The following STX8 variants were observed in gnomAD, a reference collection of about 807,000 sequenced individuals.
STX8 encodes syntaxin-8.
Under a neutral mutation model 37.5 loss-of-function variants are expected in STX8, and 23 were observed. The ratio of observed to expected loss-of-function variants is 0.61; its 90% CI spans 0.44 to 0.87. The LOEUF (loss-of-function observed/expected upper bound fraction) is 0.87. STX8 is among the 40% of genes least tolerant of loss of function. STX8 has a pLI of 0.00. For synonymous variants in STX8, 115 were observed against 99.1 expected (o/e 1.16, Z -0.95); for missense variants, 313 against 284.7 (o/e 1.10, Z -0.71).
intron 7 of STX8, among the ~76,000 whole-genome samples, chr17:9,324,922 T>A (rs1909705360): frequency 1.3e-5 from 2 of 152,188 alleles, no homozygotes; most frequent in Non-Finnish European, 1.5e-5. Flanking sequence ...AAAGGCAATA[T>A]GCATTCAGTA....
At position 9,485,774 on chromosome 17, in the gene STX8, C is replaced by T. The variant is rs376172898; in HGVS notation, c.541+6055G>A. On this transcript the variant is annotated intron_variant, in intron 6 of 7. Coordinates refer to ENST00000306357, the MANE Select transcript of STX8 (RefSeq NM_004853.3). ...CTAATTTTTTTATTTTTAGTAGAGA[C>T]GGGGTTTCACCATATTGACCAGGCT... Among the ~76,000 whole-genome samples, 201 of 152,002 alleles carry T rather than the reference C, an allele frequency of 1.3e-3. 9 individuals are homozygous for T. The South Asian group carries it at 0.04, about 30-fold the overall frequency.
intron 2 of STX8, among the ~76,000 whole-genome samples, chr17:9,566,545 G>A (rs1222992740): frequency 2.6e-5 from 4 of 152,092 alleles, no homozygotes; most frequent in Non-Finnish European, 5.9e-5. Flanking sequence ...TCAGCACTTC[G>A]GGAGGCCGAG....
chr17:9,252,702 A>G (rs928049722), intron 7 of STX8, among the ~76,000 whole-genome samples: 1 of 147,070 alleles, frequency 6.8e-6, no homozygotes, highest in Non-Finnish European at 1.5e-5. Flanking sequence ...TTTTTCTGAT[A>G]TGGGCTCTTT....
intron 7 of STX8, among the ~76,000 whole-genome samples, chr17:9,328,490 A>AT (rs1909850889): frequency 6.6e-6 from 1 of 152,166 alleles, no homozygotes; most frequent in African/African-American, 2.4e-5. Context: ...TGAACGTGGG[A>AT]ATCCTTTATG....
chr17:9,269,321 T>A (rs1040694139), intron 7 of STX8, among the ~76,000 whole-genome samples: 2 of 152,210 alleles, frequency 1.3e-5, no homozygotes, highest in African/African-American at 4.8e-5. Context: ...CTCCTCTCCC[T>A]TTCCCTTAAG....
intron 7 of STX8, among the ~76,000 whole-genome samples, chr17:9,348,375 G>A (rs142380505): frequency 1.9e-3 from 273 of 141,002 alleles, no homozygotes; most frequent in African/African-American, 5.9e-3. Flanking sequence ...CCGAGATTGC[G>A]CCACTGCACT....
chr17:9,295,234 T>C (rs748405029), intron 7 of STX8, among the ~76,000 whole-genome samples: 2 of 152,130 alleles, frequency 1.3e-5, no homozygotes, highest in Non-Finnish European at 2.9e-5. Flanking sequence ...TGATGCCTCC[T>C]CTCTATGTGA....
At chr17:9,420,927 G>GA (rs1913401291) in intron 6 of STX8, among the ~76,000 whole-genome samples, 1 of 152,118 alleles carries the variant, frequency 6.6e-6, no homozygotes, top group Non-Finnish European at 1.5e-5. Context: ...TTAGGGGGTG[G>GA]AAATGGAGAT....
intron 7 of STX8, among the ~76,000 whole-genome samples, chr17:9,295,747 C>T (rs1367001851): frequency 6.6e-6 from 1 of 151,522 alleles, no homozygotes; most frequent in Non-Finnish European, 1.5e-5. Flanking sequence ...GTCCCCCCTC[C>T]CCCCCAAAAA....
At chr17:9,376,618 T>TTGC (rs1911597071) in intron 7 of STX8, among the ~76,000 whole-genome samples, 1 of 152,198 alleles carries the variant, frequency 6.6e-6, no homozygotes, top group Non-Finnish European at 1.5e-5. Flanking sequence ...ACAATAAATC[T>TTGC]TGCTGCTGCT....
At chr17:9,572,136 T>C (rs1907711933) in intron 1 of STX8, among the ~76,000 whole-genome samples, 2 of 152,284 alleles carry the variant, frequency 1.3e-5, no homozygotes, top group East Asian at 3.9e-4. Flanking sequence ...ACTATTAAGG[T>C]TTAACTGTAA....
chr17:9,526,022 T>C (rs1905554401), intron 4 of STX8, among the ~76,000 whole-genome samples: 1 of 152,204 alleles, frequency 6.6e-6, no homozygotes, highest in South Asian at 2.1e-4. Flanking sequence ...CTTAGCAATA[T>C]GCCACACTTG....
chr17:9,521,192 G>A (rs1187561071), intron 4 of STX8, among the ~76,000 whole-genome samples: 1 of 152,202 alleles, frequency 6.6e-6, no homozygotes, highest in East Asian at 1.9e-4. Context: ...ACGGAAGAGA[G>A]GCTGCAGTCA....
At chr17:9,567,539 T>C (rs771004092) in intron 2 of STX8, among the ~76,000 whole-genome samples, 8 of 152,034 alleles carry the variant, frequency 5.3e-5, no homozygotes, top group Admixed American at 1.3e-4. Context: ...ATGTGGAAAA[T>C]AAGGAAGAAA....
intron 7 of STX8, among the ~76,000 whole-genome samples, chr17:9,270,726 T>C (rs1381702896): frequency 1.3e-5 from 2 of 151,650 alleles, no homozygotes; most frequent in African/African-American, 4.9e-5. Context: ...AATCAAGGAG[T>C]AGTGGTTTTA....
chr17:9,384,977 GACTTA>G (rs1455921268), intron 6 of STX8, among the ~76,000 whole-genome samples: 35 of 146,866 alleles, frequency 2.4e-4, no homozygotes, highest in Admixed American at 2.1e-3. Context: ...ATGGTTCATA[GACTTA>G]ACTGTAAAAC....
At chr17:9,465,555 A>G (rs1905573670) in intron 6 of STX8, among the ~76,000 whole-genome samples, 1 of 152,204 alleles carries the variant, frequency 6.6e-6, no homozygotes, top group Non-Finnish European at 1.5e-5. Flanking sequence ...GGAGAAATGT[A>G]TACCCTGAGA....
intron 6 of STX8, chr17:9,464,613 AAG>A (rs1905529162): frequency 6.6e-6 from 1 of 152,152 alleles, no homozygotes; most frequent in South Asian, 2.1e-4. Flanking sequence ...GTCATAAATG[AAG>A]AGTGTCAGAA....
At chr17:9,552,897 G>T (rs981573153) in intron 3 of STX8, 11 of 151,948 alleles carry the variant, frequency 7.2e-5, no homozygotes, top group African/African-American at 2.7e-4. Flanking sequence ...CTCGTGATCC[G>T]CACGCCTCGG....
Sources: allele counts gnomAD v4.1 joint callset (sites outside exome capture counted in the v4.1 genomes callset), GRCh38; gene constraint gnomAD v4.1.1; transcripts MANE v1.5; gene names NCBI Gene and HGNC (gene_info 2026-07-23, HGNC 2026-07-21).